MEIS1: variants seen among roughly 807,000 people sequenced by gnomAD.
MEIS1 encodes the protein homeobox protein Meis1.
Under a neutral mutation model 50.8 loss-of-function variants are expected in MEIS1, and 5 were observed. The observed-to-expected ratio is 0.10, with a 90% CI of 0.05 to 0.21. MEIS1 has a LOEUF of 0.21. MEIS1 is among the 10% of genes least tolerant of loss of function. MEIS1 has a pLI of 1.00. For missense variants in MEIS1, 318 were observed against 517.3 expected (o/e 0.61, Z 3.74); for synonymous variants, 176 against 179.3 (o/e 0.98, Z 0.15).
rs959711253 is a variant in MEIS1 at position 66,553,169 on chromosome 2, C to T, written c.965+5150C>T. On this transcript the variant is annotated intron_variant, in intron 9 of 12. Coordinates refer to ENST00000272369, the MANE Select transcript of MEIS1 (RefSeq NM_002398.3). ...TAGGAATCACCTAGGGATGGAACAGCTTCACACATAGAAAGTAATTGTATT... is the reference window on the plus strand; with the variant it reads ...TAGGAATCACCTAGGGATGGAACAGTTTCACACATAGAAAGTAATTGTATT... Among the ~76,000 whole-genome samples the T allele has an allele frequency of 1.3e-4, 20 of 152,294 alleles. 1 individual carries two copies. Among genetic ancestry groups the T allele is most frequent in the Admixed American group, 9.2e-4 (14 of 15,294 alleles).
chr2:66,509,015 G>A (rs1466524361), intron 7 of MEIS1: 15 of 471,024 alleles, frequency 3.2e-5, no homozygotes, highest in Non-Finnish European at 4.0e-5. Context: ...GTCGGCCGGC[G>A]GTTCTCCAAG....
At chr2:66,495,686 GCTT>G (rs1673384826) in intron 7 of MEIS1, among the ~76,000 whole-genome samples, 1 of 152,172 alleles carries the variant, frequency 6.6e-6, no homozygotes. Context: ...AAACGCTGAG[GCTT>G]TGAAGATGTG....
chr2:66,544,741 T>C (rs7578882), intron 8 of MEIS1, among the ~76,000 whole-genome samples: 150,051 of 152,276 alleles, frequency 0.99, 73,983 homozygotes, highest in Middle Eastern at 1. Flanking sequence ...TGAAATTAGA[T>C]ACAGTTTGTT....
At chr2:66,536,993 G>T (rs1674537069) in intron 8 of MEIS1, among the ~76,000 whole-genome samples, 1 of 152,096 alleles carries the variant, frequency 6.6e-6, no homozygotes, top group African/African-American at 2.4e-5. Flanking sequence ...CATCTTTATG[G>T]CTATTCTATA....
chr2:66,435,588 G>T lies in MEIS1; in HGVS notation c.-269G>T. ...TTTTTTTTTAAACTGATTTTTGGGG[G>T]AGAGAAGATCTGCTTTTTTTTGCCC... On this transcript the variant is annotated 5_prime_UTR_variant, in exon 1 of 13. Coordinates refer to ENST00000272369, the MANE Select transcript of MEIS1 (RefSeq NM_002398.3). 2.5e-6 allele frequency: 1 copy of T among 403,752 alleles called. No individual in the cohort carries two copies. Among genetic ancestry groups the T allele is most frequent in the Non-Finnish European group, 4.4e-6 (1 of 228,694 alleles). 25.0% of individuals were successfully genotyped at this position (403,752 alleles called of 1,614,324 possible).
intron 8 of MEIS1, among the ~76,000 whole-genome samples, chr2:66,517,275 C>A (rs965926400): frequency 3.3e-5 from 5 of 152,142 alleles, no homozygotes; most frequent in Non-Finnish European, 5.9e-5. Context: ...TCCTAATCTA[C>A]CTTAATTGTC....
intron 8 of MEIS1, among the ~76,000 whole-genome samples, chr2:66,540,322 G>GT (rs1448016103): frequency 3.3e-5 from 5 of 152,146 alleles, no homozygotes; most frequent in East Asian, 1.9e-4. Flanking sequence ...TTTTTGTTTT[G>GT]TTTTTTGTTT....
At chr2:66,522,746 A>G (rs1674156325) in intron 8 of MEIS1, among the ~76,000 whole-genome samples, 1 of 152,200 alleles carries the variant, frequency 6.6e-6, no homozygotes, top group Non-Finnish European at 1.5e-5. Flanking sequence ...TTTGTTGGGA[A>G]GAGGGAGGGG....
rs1265343731 is a variant in MEIS1 at position 66,573,278 on chromosome 2, T to C, written c.*2070T>C. 1 of 152,216 alleles carries C rather than the reference T, an allele frequency of 6.6e-6. No homozygotes were observed. The highest frequency in any genetic ancestry group is 1.5e-5 in the Non-Finnish European group (1 of 68,046). The allele number at this position is 152,216 out of a possible 1,614,324, so 9.4% of individuals were successfully genotyped here. A position where few individuals can be genotyped will look rare whatever the true frequency, so the allele number is the denominator to read the frequency against. On this transcript the variant is annotated 3_prime_UTR_variant, in exon 13 of 13. Coordinates refer to ENST00000272369, the MANE Select transcript of MEIS1 (RefSeq NM_002398.3). ...GGCTAAATGGTAGAAAATAATATGTTTAAGCTGGAATAGCTTATAATTTTA... is the reference window on the plus strand; with the variant it reads ...GGCTAAATGGTAGAAAATAATATGTCTAAGCTGGAATAGCTTATAATTTTA...
intron 6 of MEIS1, among the ~76,000 whole-genome samples, chr2:66,444,621 A>G (rs1375782783): frequency 6.6e-6 from 1 of 152,228 alleles, no homozygotes; most frequent in Non-Finnish European, 1.5e-5. Flanking sequence ...GCGGCCCCAC[A>G]GAAGTGGGAA....
intron 7 of MEIS1, among the ~76,000 whole-genome samples, chr2:66,502,509 A>C (rs1673582236): frequency 6.6e-6 from 1 of 152,212 alleles, no homozygotes; most frequent in South Asian, 2.1e-4. Flanking sequence ...GGAGGCCATC[A>C]GTCATTTCAC....
At chr2:66,454,562 CT>C (rs1024022528) in intron 6 of MEIS1, 1 of 152,026 alleles carries the variant, frequency 6.6e-6, no homozygotes, top group African/African-American at 2.4e-5. Context: ...TTATTATCTA[CT>C]TTTACTCATT....
At chr2:66,439,746 G>C in intron 2 of MEIS1, 97 bp from the exon 3 acceptor site, 7 of 1,600,808 alleles carry the variant, frequency 4.4e-6, no homozygotes, top group Non-Finnish European at 6.0e-6. Context: ...GAGGGGGTCT[G>C]TTCCTCTTGC....
chr2:66,498,048 T>G (rs1470602567), intron 7 of MEIS1, among the ~76,000 whole-genome samples: 1 of 150,022 alleles, frequency 6.7e-6, no homozygotes, highest in Non-Finnish European at 1.5e-5. Flanking sequence ...GTTAGGAGAG[T>G]GGGTATAGAT....
intron 8 of MEIS1, among the ~76,000 whole-genome samples, chr2:66,543,949 G>A (rs1330948588): frequency 6.6e-6 from 1 of 152,214 alleles, no homozygotes; most frequent in Non-Finnish European, 1.5e-5. Context: ...TCTGGGAAGT[G>A]CCATCCATCT....
At chr2:66,520,406 G>A (rs1572873561) in intron 8 of MEIS1, among the ~76,000 whole-genome samples, 3 of 151,854 alleles carry the variant, frequency 2.0e-5, no homozygotes, top group East Asian at 3.9e-4. Flanking sequence ...GCTTGAACCC[G>A]GGAGGTGGAG....
chr2:66,473,796 A>G (rs1489275303), intron 7 of MEIS1, among the ~76,000 whole-genome samples: 1 of 152,118 alleles, frequency 6.6e-6, no homozygotes, highest in Non-Finnish European at 1.5e-5. Flanking sequence ...AAGTTAAATA[A>G]ATGGGTTTGG....
intron 7 of MEIS1, among the ~76,000 whole-genome samples, chr2:66,498,649 A>G (rs777050704): frequency 4.7e-4 from 72 of 152,258 alleles, no homozygotes; most frequent in African/African-American, 1.7e-3. Flanking sequence ...ATTCTTGTCC[A>G]GTGGGCGCAG....
intron 8 of MEIS1, 51 bp downstream of exon 8, chr2:66,512,345 G>A: frequency 1.0e-5 from 16 of 1,534,582 alleles, no homozygotes; most frequent in Non-Finnish European, 1.4e-5. Context: ...CAATGAACCA[G>A]TTTTTATACA....
Sources: allele counts gnomAD v4.1 joint callset (sites outside exome capture counted in the v4.1 genomes callset), GRCh38; gene constraint gnomAD v4.1.1; transcripts MANE v1.5; gene names NCBI Gene and HGNC (gene_info 2026-07-23, HGNC 2026-07-21).